The following ICE2 variants were observed in gnomAD, a reference collection of about 807,000 sequenced individuals.
ICE2 encodes the protein interactor of little elongation complex ELL subunit 2, also known as little elongation complex subunit 2.
Under a neutral mutation model 105.4 loss-of-function variants are expected in ICE2, and 87 were observed. The observed-to-expected ratio is 0.83, with a 90% confidence interval of 0.69 to 0.99. The LOEUF is 0.99. Ranked by LOEUF, ICE2 falls within the 50% of genes least tolerant of loss-of-function variation. The pLI is 0.00. For synonymous variants in ICE2, 399 were observed against 392.0 expected, an observed-to-expected ratio of 1.02 and a Z score of -0.21; for missense variants, 1,323 against 1,146.7, an observed-to-expected ratio of 1.15 and a Z score of -2.22.
chr15:60,448,658 C>T (rs971772639), intron 10 of ICE2, among the ~76,000 whole-genome samples, 190 bp downstream of exon 10: 1 of 152,078 alleles, frequency 6.6e-6, no homozygotes, highest in Non-Finnish European at 1.5e-5. Flanking sequence ...GACCCATACG[C>T]CTTTGTATAC....
chr15:60,448,494 G>C (rs1264679644), intron 10 of ICE2, among the ~76,000 whole-genome samples: 3 of 152,160 alleles, frequency 2.0e-5, no homozygotes, highest in Non-Finnish European at 4.4e-5. Flanking sequence ...AAACCAAAAA[G>C]TATAAAACTG....
chr15:60,423,704 T>C lies in ICE2; in HGVS notation c.2879A>G (p.Lys960Arg). Reference sequence around the variant, plus strand: ...TTGCTGAGCAGGCAAGCAACTGCTTTTGGTTTCCATGGAAACTGGATTCCT... The same window carrying C: ...TTGCTGAGCAGGCAAGCAACTGCTTCTGGTTTCCATGGAAACTGGATTCCT... ...SHRNPVSMET[K>R]SSCLPAQQVE... is the part of the protein sequence containing the mutation. The change falls in exon 16 of 16, where the codon AAA becomes AGA. Residue 960 changes from lysine to arginine, a missense_variant. Coordinates refer to ENST00000261520, the MANE Select transcript of ICE2 (RefSeq NM_024611.6). The C allele has an allele frequency of 6.2e-7, 1 of 1,603,236 alleles. No homozygotes were observed. Among genetic ancestry groups the C allele is most frequent in the Non-Finnish European group, 8.5e-7 (1 of 1,177,376 alleles).
At chr15:60,470,439 T>A (rs1358552879) in intron 3 of ICE2, among the ~76,000 whole-genome samples, 3 of 152,136 alleles carry the variant, frequency 2.0e-5, no homozygotes, top group Non-Finnish European at 4.4e-5. Flanking sequence ...GTAGGTGTAT[T>A]TGGATTGTCA....
chr15:60,460,123 C>T (rs1221207994), intron 5 of ICE2, among the ~76,000 whole-genome samples: 1 of 152,084 alleles, frequency 6.6e-6, no homozygotes, highest in Non-Finnish European at 1.5e-5. Context: ...CTCAGGACTA[C>T]AAAACTACAG....
At chr15:60,470,667 T>C (rs1188439536) in intron 3 of ICE2, among the ~76,000 whole-genome samples, 3 of 152,210 alleles carry the variant, frequency 2.0e-5, no homozygotes, top group Non-Finnish European at 4.4e-5. Context: ...TTTTATGGTA[T>C]GCTTTATTTT....
At chr15:60,448,342 A>G (rs546631070) in intron 10 of ICE2, among the ~76,000 whole-genome samples, 197 bp from the exon 11 acceptor site, 1 of 152,256 alleles carries the variant, frequency 6.6e-6, no homozygotes, top group African/African-American at 2.4e-5. Flanking sequence ...TCCTAGCTTT[A>G]AGGTTCTTCT....
intron 11 of ICE2, among the ~76,000 whole-genome samples, chr15:60,446,323 T>G (rs1046354925): frequency 1.3e-5 from 2 of 152,236 alleles, no homozygotes; most frequent in African/African-American, 4.8e-5. Flanking sequence ...TGGATCTGGA[T>G]GGGTTGGCCT....
chr15:60,454,138 G>T (rs1247813496), intron 8 of ICE2, among the ~76,000 whole-genome samples: 3 of 152,110 alleles, frequency 2.0e-5, no homozygotes. Context: ...CTAATTTGTA[G>T]TTTTGTTTCA....
chr15:60,479,124 C>T lies in ICE2; in HGVS notation c.-214G>A. ...TATTTAAAGGATGTGGCCGCGCCGA[C>T]TCGGCCCTGCGTGATGACGTCTCAG... On this transcript the variant is annotated 5_prime_UTR_variant, in exon 1 of 16. Transcript: ENST00000261520. 1 of 417,950 alleles carries T rather than the reference C, an allele frequency of 2.4e-6. No homozygotes were observed. The highest frequency in any genetic ancestry group is 5.0e-6 in the Non-Finnish European group (1 of 200,722). 25.9% of individuals were successfully genotyped at this position (417,950 alleles called of 1,614,324 possible).
At chr15:60,442,689 AAG>A in intron 11 of ICE2, 144 bp from the exon 12 acceptor site, 1 of 611,398 alleles carries the variant, frequency 1.6e-6, no homozygotes, top group Non-Finnish European at 2.8e-6. Flanking sequence ...TTCACACTGT[AAG>A]ATGGATACAT....
intron 15 of ICE2, among the ~76,000 whole-genome samples, chr15:60,426,621 C>T (rs2063343915): frequency 6.6e-6 from 1 of 152,182 alleles, no homozygotes; most frequent in Non-Finnish European, 1.5e-5. Context: ...AAGCATTCAA[C>T]ACTATTTTAG....
intron 6 of ICE2, 97 bp downstream of exon 6, chr15:60,456,560 T>TA (rs1311091396): frequency 1.3e-4 from 11 of 83,326 alleles, no homozygotes; most frequent in African/African-American, 3.4e-4. Flanking sequence ...AATAAATAAA[T>TA]AAATAAATAT....
At chr15:60,448,184 C>A in intron 10 of ICE2, 39 bp from the exon 11 acceptor site, 1 of 1,316,710 alleles carries the variant, frequency 7.6e-7, no homozygotes, top group Non-Finnish European at 1.1e-6. Context: ...AATACATTAG[C>A]TCTTACCCAT....
At chr15:60,463,217 G>C (rs998544113) in intron 5 of ICE2, among the ~76,000 whole-genome samples, 3 of 152,178 alleles carry the variant, frequency 2.0e-5, no homozygotes, top group African/African-American at 7.2e-5. Flanking sequence ...AGAAGCATCT[G>C]TATATCGAAC....
chr15:60,425,204 G>C (rs1348342347), intron 15 of ICE2, among the ~76,000 whole-genome samples: 1 of 152,022 alleles, frequency 6.6e-6, no homozygotes, highest in Non-Finnish European at 1.5e-5. Flanking sequence ...ACATTTACCT[G>C]ACCAGAAAGG....
In ICE2 at chr15:60,449,620, A is replaced by G; in HGVS notation, c.1347T>C (p.Ile449=). ...TTTVAPSAPD[I]SANSRSLSQI... ...GAGATAAACTTCTAGAATTAGCAGA[A>G]ATGTCTGGTGCACTTGGTGCCACAG... The change falls in exon 10 of 16, where the codon ATT becomes ATC. Residue 449 remains isoleucine, a synonymous_variant. Coordinates refer to ENST00000261520, the MANE Select transcript of ICE2 (RefSeq NM_024611.6). The G allele has an allele frequency of 3.7e-6, 6 of 1,614,138 alleles. No individual in the cohort carries two copies. Among genetic ancestry groups the G allele is most frequent in the Non-Finnish European group, 4.2e-6 (5 of 1,180,022 alleles).
intron 15 of ICE2, among the ~76,000 whole-genome samples, chr15:60,424,203 A>C (rs970944044): frequency 6.0e-4 from 92 of 152,214 alleles, no homozygotes; most frequent in Admixed American, 2.6e-4. Flanking sequence ...ACATGGACAA[A>C]CAAGAAAGAT....
intron 9 of ICE2, among the ~76,000 whole-genome samples, chr15:60,450,828 C>T (rs1170843735): frequency 1.3e-5 from 2 of 152,052 alleles, no homozygotes; most frequent in Non-Finnish European, 2.9e-5. Flanking sequence ...TAGTAAGTAG[C>T]CTCTCAGTAA....
rs138419394 is a variant in ICE2, at chr15:60,425,276, A to C, written c.2821-1514T>G. Among the ~76,000 whole-genome samples the C allele has an allele frequency of 2.6e-5, 4 of 152,306 alleles. No homozygotes were observed. The East Asian group carries it at 7.7e-4, about 29-fold the overall frequency. ...GAAATTTTGTAATATACTGATTAGA[A>C]AAGTGCTGCGACTTTTGGATGATCT... On this transcript the variant is annotated intron_variant, in intron 15 of 15. Coordinates refer to ENST00000261520, the MANE Select transcript of ICE2 (RefSeq NM_024611.6).
Sources: gnomAD v4.1 joint callset for allele counts (sites outside exome capture counted in the v4.1 genomes callset) on GRCh38, gnomAD v4.1.1 for gene constraint, MANE v1.5 for transcripts, NCBI Gene and HGNC (gene_info 2026-07-23, HGNC 2026-07-21) for gene names.